Variants in HPF1 observed in about 807,000 individuals in gnomAD.
HPF1 encodes the protein histone PARylation factor 1.
HPF1 carries 35 observed loss-of-function variants against 38.8 expected under a neutral mutation model. That is an observed-to-expected ratio of 0.90 (90% CI 0.69 to 1.19). The LOEUF (loss-of-function observed/expected upper bound fraction) is 1.19, where lower values mean the gene tolerates loss of function less well. Among genes scored for constraint, HPF1 ranks in the 50% most tolerant of loss-of-function variants. The pLI is 0.00. For synonymous variants in HPF1, 115 were observed against 139.2 expected (o/e 0.83, Z 1.22); for missense variants, 367 against 405.8 (o/e 0.90, Z 0.82).
intron 1 of HPF1, among the ~76,000 whole-genome samples, chr4:169,757,473 C>T (rs1734202733): frequency 6.6e-6 from 1 of 152,158 alleles, no homozygotes; most frequent in Admixed American, 6.5e-5. Context: ...GAGGGCTCAA[C>T]AAGCAGCAGG....
chr4:169,737,170 A>T (rs1215353215), intron 6 of HPF1, among the ~76,000 whole-genome samples: 1 of 151,790 alleles, frequency 6.6e-6, no homozygotes, highest in Non-Finnish European at 1.5e-5. Context: ...GGTGCCTATA[A>T]TCCCAGCTAC....
chr4:169,741,837 A>G (rs1581316962), intron 5 of HPF1, 120 bp downstream of exon 5: 1 of 787,556 alleles, frequency 1.3e-6, no homozygotes, highest in African/African-American at 1.7e-5. Context: ...TCCCTAAGGG[A>G]CAGCATCCAG....
intron 3 of HPF1, 115 bp from the exon 4 acceptor site, chr4:169,748,957 C>T (rs1320948113): frequency 1.5e-5 from 8 of 551,456 alleles, no homozygotes; most frequent in South Asian, 2.4e-5. Context: ...TTTTTGGAGG[C>T]CTTTTTTTTT....
At chr4:169,740,528 T>A (rs971379723) in intron 5 of HPF1, among the ~76,000 whole-genome samples, 6 of 152,184 alleles carry the variant, frequency 3.9e-5, no homozygotes, top group African/African-American at 1.4e-4. Context: ...ACTAGTGGAA[T>A]TGAATTCTTC....
intron 4 of HPF1, among the ~76,000 whole-genome samples, chr4:169,742,917 A>AT (rs1277425308): frequency 6.6e-6 from 1 of 151,824 alleles, no homozygotes; most frequent in Non-Finnish European, 1.5e-5. Context: ...CCTGGCCAAC[A>AT]TAGTGAAACC....
intron 7 of HPF1, among the ~76,000 whole-genome samples, chr4:169,730,822 C>T (rs1281536111): frequency 1.3e-5 from 2 of 152,222 alleles, no homozygotes; most frequent in Non-Finnish European, 2.9e-5. Flanking sequence ...TGCATTTTAA[C>T]AATGTCTGCA....
intron 4 of HPF1, among the ~76,000 whole-genome samples, chr4:169,748,419 G>T (rs1465196627): frequency 6.6e-6 from 1 of 151,682 alleles, no homozygotes; most frequent in Non-Finnish European, 1.5e-5. Context: ...CACTCAGGCT[G>T]CAATGCAGTG....
chr4:169,731,924 G>C, intron 6 of HPF1, 48 bp from the exon 7 acceptor site: 2 of 1,434,738 alleles, frequency 1.4e-6, no homozygotes. Flanking sequence ...GTTAGAAAAT[G>C]AATCAGTCTT....
intron 3 of HPF1, among the ~76,000 whole-genome samples, chr4:169,750,271 T>C (rs2150293020): frequency 1.3e-5 from 2 of 152,244 alleles, no homozygotes; most frequent in Middle Eastern, 6.8e-3. Flanking sequence ...CTGCTCTAAA[T>C]TATCTTTCTT....
intron 6 of HPF1, among the ~76,000 whole-genome samples, chr4:169,734,740 T>C (rs763519833): frequency 6.6e-6 from 1 of 152,216 alleles, no homozygotes; most frequent in African/African-American, 2.4e-5. Context: ...TACTATCAAC[T>C]AGAATACTTA....
chr4:169,730,853 G>A (rs1438077235), intron 7 of HPF1, among the ~76,000 whole-genome samples: 3 of 152,184 alleles, frequency 2.0e-5, no homozygotes, highest in African/African-American at 7.2e-5. Context: ...ATGCATTTTA[G>A]TTTGGGAATT....
chr4:169,733,301 A>G (rs1246264873), intron 6 of HPF1, among the ~76,000 whole-genome samples: 1 of 152,232 alleles, frequency 6.6e-6, no homozygotes, highest in Non-Finnish European at 1.5e-5. Flanking sequence ...TCTGGATGTT[A>G]ATGTACATCC....
intron 6 of HPF1, among the ~76,000 whole-genome samples, chr4:169,733,064 T>C (rs986599954): frequency 1.3e-5 from 2 of 152,158 alleles, no homozygotes; most frequent in African/African-American, 2.4e-5. Flanking sequence ...ATTACTGACT[T>C]GTGACTTGTG....
chr4:169,746,673 T>C (rs1734051170), intron 4 of HPF1, among the ~76,000 whole-genome samples: 1 of 152,072 alleles, frequency 6.6e-6, no homozygotes, highest in Non-Finnish European at 1.5e-5. Context: ...TAAAAATAAA[T>C]TTTAAAATAT....
chr4:169,757,670 C>A (rs1036108723), intron 1 of HPF1, among the ~76,000 whole-genome samples, 160 bp downstream of exon 1: 2 of 152,220 alleles, frequency 1.3e-5, no homozygotes, highest in Non-Finnish European at 2.9e-5. Flanking sequence ...CCCTGCAGAG[C>A]GCGAAACAGC....
In HPF1 at chr4:169,753,685, T is replaced by C; in HGVS notation, c.199A>G (p.Lys67Glu). ...WKFCEELDPEKPSDSLSASLG... is the reference protein window; with the variant it reads ...WKFCEELDPEEPSDSLSASLG... The stretch of plus-strand genomic sequence containing the variant: ...TTCTGGAGCAACTCACCAGATGGCT[T>C]TTCAGGATCAAGTTCTTCACAGAAC... Residue 67 changes from lysine to glutamate, a missense_variant, in exon 2 of 8, where the codon AAG (lysine) becomes GAG (glutamate). Transcript: ENST00000393381. 6.2e-7 allele frequency: 1 copy of C among 1,611,094 alleles called. No individual in the cohort carries two copies. The highest frequency in any genetic ancestry group is 8.5e-7 in the Non-Finnish European group (1 of 1,179,412).
At chr4:169,740,188 G>A (rs971006731) in intron 5 of HPF1, among the ~76,000 whole-genome samples, 3 of 152,178 alleles carry the variant, frequency 2.0e-5, no homozygotes, top group African/African-American at 7.2e-5. Flanking sequence ...AAGTGGCAGA[G>A]AGCCAATTAG....
At chr4:169,747,644 C>T (rs1209503255) in intron 4 of HPF1, among the ~76,000 whole-genome samples, 1 of 152,170 alleles carries the variant, frequency 6.6e-6, no homozygotes, top group Non-Finnish European at 1.5e-5. Context: ...CACAGACTGG[C>T]TCACTCACCT....
intron 6 of HPF1, among the ~76,000 whole-genome samples, chr4:169,733,086 C>T (rs1355351097): frequency 6.6e-6 from 1 of 151,944 alleles, no homozygotes; most frequent in Non-Finnish European, 1.5e-5. Context: ...TGAACTAAAC[C>T]CAGAAAAAGA....
Sources: allele counts gnomAD v4.1 joint callset (sites outside exome capture counted in the v4.1 genomes callset), GRCh38; gene constraint gnomAD v4.1.1; transcripts MANE v1.5; gene names NCBI Gene and HGNC (gene_info 2026-07-23, HGNC 2026-07-21).